Variants in FSTL4 observed in about 807,000 individuals in gnomAD.
FSTL4 encodes the protein follistatin like 4.
In FSTL4, 28 loss-of-function variants were observed where a neutral mutation model predicts 78.2. That is an observed-to-expected ratio of 0.36 (90% CI 0.27 to 0.49). FSTL4 has a LOEUF of 0.49. Ranked by LOEUF, FSTL4 falls within the 20% of genes least tolerant of loss-of-function variation. FSTL4 has a pLI of 0.98. For synonymous variants in FSTL4, 422 were observed against 440.5 expected (o/e 0.96, Z 0.53); for missense variants, 922 against 1,084.9 (o/e 0.85, Z 2.11).
At position 133,458,093 on chromosome 5, in the gene FSTL4, G is replaced by A. The variant is rs148031210; in HGVS notation, c.161-57107C>T. 5.1e-4 allele frequency: 78 copies of A among 152,278 alleles called. 2 individuals carry two copies. Among genetic ancestry groups the A allele is most frequent in the Middle Eastern group, 6.8e-3 (2 of 294 alleles). The allele number at this position is 152,278 out of a possible 1,614,324, so 9.4% of individuals were successfully genotyped here. A position where few individuals can be genotyped will look rare whatever the true frequency, so the allele number is the denominator to read the frequency against. ...CAGTGAACAGTCATTGTTTAAAAAT[G>A]TCATGATAATAATCAGCTTTTGCGG... is the stretch of plus-strand genomic sequence containing the variant. On this transcript the variant is annotated intron_variant, in intron 3 of 15. Coordinates refer to ENST00000265342, the MANE Select transcript of FSTL4 (RefSeq NM_015082.2).
intron 3 of FSTL4, among the ~76,000 whole-genome samples, chr5:133,513,944 C>G (rs1013752073): frequency 2.0e-4 from 31 of 152,096 alleles, no homozygotes; most frequent in Admixed American, 6.5e-5. Flanking sequence ...TTTGGGAGGC[C>G]AAGGCCGGTG....
At chr5:133,289,735 C>T (rs1198165984) in intron 6 of FSTL4, among the ~76,000 whole-genome samples, 1 of 152,234 alleles carries the variant, frequency 6.6e-6, no homozygotes. Context: ...GCCTCCAGAG[C>T]TGCCCAAAGA....
rs192594315 is a variant in FSTL4 at position 133,300,547 on chromosome 5, G to A, written c.727+12107C>T. Among the ~76,000 whole-genome samples, 539 of 152,236 alleles carry A rather than the reference G, an allele frequency of 3.5e-3. 9 individuals are homozygous for A. Among genetic ancestry groups the A allele is most frequent in the Non-Finnish European group, 9.0e-4 (61 of 68,018 alleles). On this transcript the variant is annotated intron_variant, in intron 6 of 15. Coordinates refer to ENST00000265342, the MANE Select transcript of FSTL4 (RefSeq NM_015082.2). ...CAGTATTCAGCCTGGGGCTTCCTGC[G>A]AGCTCCTCCGAAGGCTGTCAGCCTT...
intron 3 of FSTL4, among the ~76,000 whole-genome samples, chr5:133,507,391 T>C (rs1758630588): frequency 6.6e-6 from 1 of 152,200 alleles, no homozygotes; most frequent in Non-Finnish European, 1.5e-5. Context: ...AAAGATGCTT[T>C]GGAACTAGCT....
intron 3 of FSTL4, among the ~76,000 whole-genome samples, chr5:133,443,285 A>T (rs551814058): frequency 6.6e-6 from 1 of 152,364 alleles, no homozygotes; most frequent in East Asian, 1.9e-4. Flanking sequence ...GCGGAGCTCG[A>T]TTCCTCTAAT....
At chr5:133,490,474 T>C (rs1758245720) in intron 3 of FSTL4, among the ~76,000 whole-genome samples, 1 of 152,174 alleles carries the variant, frequency 6.6e-6, no homozygotes, top group African/African-American at 2.4e-5. Context: ...TTTTTAAAGT[T>C]TGAGATGAAC....
chr5:133,634,782 A>C, the FSTL4 span, among the ~76,000 whole-genome samples: 3 of 152,198 alleles, frequency 2.0e-5, no homozygotes, highest in Admixed American at 6.5e-5. Flanking sequence ...AAATAACTAC[A>C]TGATAAGGTT....
intron 3 of FSTL4, among the ~76,000 whole-genome samples, chr5:133,531,172 C>A (rs770540343): frequency 2.0e-5 from 3 of 152,188 alleles, no homozygotes; most frequent in Non-Finnish European, 2.9e-5. Flanking sequence ...CACACGGTTT[C>A]TTTCAACATC....
At chr5:133,743,670 T>A in the FSTL4 span, among the ~76,000 whole-genome samples, 1 of 152,382 alleles carries the variant, frequency 6.6e-6, no homozygotes, top group Non-Finnish European at 1.5e-5. Flanking sequence ...TTTAGGAACC[T>A]AAGCTCTTTT....
intron 14 of FSTL4, 59 bp downstream of exon 14, chr5:133,210,132 A>C: frequency 1.1e-6 from 1 of 877,186 alleles, no homozygotes; most frequent in Non-Finnish European, 1.9e-6. Context: ...CTTATTTTAT[A>C]GGGAGAGAGT....
At chr5:133,543,732 T>C (rs1759520953) in intron 3 of FSTL4, among the ~76,000 whole-genome samples, 1 of 152,164 alleles carries the variant, frequency 6.6e-6, no homozygotes, top group Non-Finnish European at 1.5e-5. Flanking sequence ...TTCTGATAAC[T>C]ATTATCTTTC....
chr5:133,642,812 G>T, the FSTL4 span, among the ~76,000 whole-genome samples: 17 of 152,290 alleles, frequency 1.1e-4, no homozygotes, highest in Non-Finnish European at 1.9e-4. Context: ...AGAAGACAAG[G>T]TCTAGTATAT....
At chr5:133,762,368 G>C in the FSTL4 span, among the ~76,000 whole-genome samples, 1 of 152,142 alleles carries the variant, frequency 6.6e-6, no homozygotes, top group Non-Finnish European at 1.5e-5. Context: ...GACAAGCAGA[G>C]AACTAGCCCT....
chr5:133,300,406 C>T (rs1354789080), intron 6 of FSTL4, among the ~76,000 whole-genome samples: 3 of 152,188 alleles, frequency 2.0e-5, no homozygotes, highest in African/African-American at 7.2e-5. Context: ...CCACCCAACC[C>T]TGTTTGTTCT....
At chr5:133,277,926 TTCA>T (rs1248510769) in intron 6 of FSTL4, among the ~76,000 whole-genome samples, 1 of 152,116 alleles carries the variant, frequency 6.6e-6, no homozygotes, top group Non-Finnish European at 1.5e-5. Context: ...GACAAGGGAT[TTCA>T]TCACCCTCTG....
chr5:133,546,949 T>A (rs1356405140), intron 3 of FSTL4, among the ~76,000 whole-genome samples: 2 of 152,124 alleles, frequency 1.3e-5, no homozygotes, highest in African/African-American at 4.8e-5. Context: ...CCCCCAGATT[T>A]CAAAGGATAT....
intron 3 of FSTL4, among the ~76,000 whole-genome samples, chr5:133,508,415 G>A (rs934382160): frequency 2.0e-5 from 3 of 152,200 alleles, no homozygotes; most frequent in Non-Finnish European, 4.4e-5. Context: ...GATAAGCTAA[G>A]TACTCCCCAG....
chr5:133,486,323 G>A (rs1472278990), intron 3 of FSTL4, among the ~76,000 whole-genome samples: 5 of 151,456 alleles, frequency 3.3e-5, no homozygotes, highest in African/African-American at 1.2e-4. Flanking sequence ...GAGACAGTGA[G>A]AGACTGAAGG....
intron 3 of FSTL4, among the ~76,000 whole-genome samples, chr5:133,474,756 T>C (rs918873057): frequency 1.3e-5 from 2 of 152,210 alleles, no homozygotes; most frequent in African/African-American, 4.8e-5. Flanking sequence ...ATGATTACTC[T>C]TAAATTATCT....
Sources: allele counts gnomAD v4.1 joint callset (sites outside exome capture counted in the v4.1 genomes callset), GRCh38; gene constraint gnomAD v4.1.1; transcripts MANE v1.5; gene names NCBI Gene and HGNC (gene_info 2026-07-23, HGNC 2026-07-21).